PRDM16: variants seen among roughly 807,000 people sequenced by gnomAD.
PRDM16 encodes the protein PR/SET domain 16, also known as histone-lysine N-methyltransferase PRDM16.
PRDM16 carries 23 observed loss-of-function variants against 110.6 expected under a neutral mutation model. The ratio of observed to expected loss-of-function variants is 0.21; its 90% CI spans 0.15 to 0.29. The LOEUF is 0.29. Ranked by LOEUF, PRDM16 falls within the 10% of genes least tolerant of loss-of-function variation. The pLI, the probability that PRDM16 is intolerant of heterozygous loss-of-function variation, is 1.00. For missense variants in PRDM16, 1,615 were observed against 1,794.3 expected, an observed-to-expected ratio of 0.90 and a Z score of 1.81; for synonymous variants, 799 against 781.8, an observed-to-expected ratio of 1.02 and a Z score of -0.37.
intron 2 of PRDM16, among the ~76,000 whole-genome samples, chr1:3,227,019 G>A (rs1286546123): frequency 6.6e-6 from 1 of 152,252 alleles, no homozygotes; most frequent in Non-Finnish European, 1.5e-5. Flanking sequence ...TATGAAAGAG[G>A]CAATTCATAC....
chr1:3,101,511 T>C (rs1026977178), intron 1 of PRDM16, among the ~76,000 whole-genome samples: 3 of 152,240 alleles, frequency 2.0e-5, no homozygotes, highest in Admixed American at 2.0e-4. Flanking sequence ...GCGGCGGCCA[T>C]CGGGGAAGGG....
chr1:3,285,782 G>T lies in PRDM16; in HGVS notation c.438+41645G>T, dbSNP rs568621994. On this transcript the variant is annotated intron_variant, in intron 3 of 16. Coordinates refer to ENST00000270722, the MANE Select transcript of PRDM16 (RefSeq NM_022114.4). The stretch of plus-strand genomic sequence containing the variant: ...GGCAGAGGAAAGCCCCCCCACCACC[G>T]GACACCTGGCATGTCCACCTGGGGA... 2.0e-5 allele frequency among the ~76,000 whole-genome samples: 3 copies of T among 152,056 alleles called. No individual in the cohort carries two copies. The East Asian group carries it at 5.8e-4, about 30-fold the overall frequency.
intron 1 of PRDM16, among the ~76,000 whole-genome samples, chr1:3,095,957 ACTCC>A (rs922812657): frequency 2.7e-5 from 4 of 150,642 alleles, no homozygotes; most frequent in African/African-American, 9.8e-5. Context: ...GGAACGTCAC[ACTCC>A]CTCCCTCCCT....
At chr1:3,217,671 G>C (rs1337760381) in intron 2 of PRDM16, among the ~76,000 whole-genome samples, 1 of 152,174 alleles carries the variant, frequency 6.6e-6, no homozygotes, top group Non-Finnish European at 1.5e-5. Flanking sequence ...TTCACTCACG[G>C]CCCTGCTCTT....
chr1:3,407,372 G>T (rs552562059), intron 8 of PRDM16, among the ~76,000 whole-genome samples: 3 of 152,228 alleles, frequency 2.0e-5, no homozygotes, highest in Non-Finnish European at 4.4e-5. Flanking sequence ...CCTGCCGGCC[G>T]TTCCACAAGT....
At chr1:3,226,525 TTTGGCGTCTGATTA>T (rs1639291995) in intron 2 of PRDM16, among the ~76,000 whole-genome samples, 1 of 152,202 alleles carries the variant, frequency 6.6e-6, no homozygotes, top group South Asian at 2.1e-4. Flanking sequence ...AAATGTTCCT[TTTGGCGTCTGATTA>T]GGAAAAAAAA....
At chr1:3,182,700 G>A (rs1440241976) in intron 1 of PRDM16, among the ~76,000 whole-genome samples, 2 of 152,152 alleles carry the variant, frequency 1.3e-5, no homozygotes, top group Admixed American at 6.5e-5. Flanking sequence ...GCAGCAGCAG[G>A]GTTTCTTCAC....
chr1:3,169,973 T>G (rs1248521669), intron 1 of PRDM16, among the ~76,000 whole-genome samples: 1 of 152,246 alleles, frequency 6.6e-6, no homozygotes, highest in African/African-American at 2.4e-5. Context: ...TGTGCACACC[T>G]CGTGGCAGAG....
intron 3 of PRDM16, among the ~76,000 whole-genome samples, chr1:3,364,193 C>T (rs1027853081): frequency 6.6e-6 from 1 of 152,166 alleles, no homozygotes; most frequent in Admixed American, 6.5e-5. Flanking sequence ...AAATCCACCC[C>T]ACCGTGGCCA....
intron 2 of PRDM16, among the ~76,000 whole-genome samples, chr1:3,223,761 C>T (rs554474070): frequency 9.9e-5 from 15 of 152,158 alleles, no homozygotes; most frequent in African/African-American, 3.1e-4. Flanking sequence ...GATCAGCCCC[C>T]GGAATGGAGG....
chr1:3,118,211 GCACACA>G (rs1202416533), intron 1 of PRDM16, among the ~76,000 whole-genome samples: 1 of 151,428 alleles, frequency 6.6e-6, no homozygotes, highest in East Asian at 2.0e-4. Flanking sequence ...ACGCACACAC[GCACACA>G]CACACGTGCA....
In PRDM16 at chr1:3,181,533, TAC is replaced by T. The variant is rs34024059; in HGVS notation, c.38-4587_38-4586del. Among the ~76,000 whole-genome samples, 132 of 41,472 alleles carry T rather than the reference TAC, an allele frequency of 3.2e-3. 19 individuals are homozygous for T. Among genetic ancestry groups the T allele is most frequent in the African/African-American group, 5.7e-3 (62 of 10,820 alleles). 27.2% of individuals were successfully genotyped at this position (41,472 alleles called of 152,430 possible). A position where few individuals can be genotyped will look rare whatever the true frequency, so the allele number is the denominator to read the frequency against. ...ACACGCAGTCTTACACAAGCGGTCT[TAC>T]ACACGGTCTTACACACGCAGTCTTA... On this transcript the variant is annotated intron_variant, in intron 1 of 16. Coordinates refer to ENST00000270722, the MANE Select transcript of PRDM16 (RefSeq NM_022114.4).
chr1:3,105,502 G>A (rs376206094), intron 1 of PRDM16, among the ~76,000 whole-genome samples: 1 of 152,236 alleles, frequency 6.6e-6, no homozygotes, highest in African/African-American at 2.4e-5. Context: ...GGAACCCTTG[G>A]ACGGTCACCG....
At chr1:3,110,209 C>T (rs2100637260) in intron 1 of PRDM16, among the ~76,000 whole-genome samples, 1 of 135,054 alleles carries the variant, frequency 7.4e-6, no homozygotes, top group South Asian at 2.5e-4. Flanking sequence ...TATGGGGACA[C>T]AGTGCTCGGG....
In PRDM16 at chr1:3,069,213, T is replaced by C. The variant is rs781244624; in HGVS notation, c.-47T>C. The C allele has an allele frequency of 1.9e-6, 3 of 1,556,170 alleles. No individual in the cohort carries two copies. Among genetic ancestry groups the C allele is most frequent in the East Asian group, 4.9e-5 (2 of 41,066 alleles). On this transcript the variant is annotated 5_prime_UTR_variant, in exon 1 of 17. Transcript: ENST00000270722. This position sits in a 1 kb window ranked among gnomAD's most constrained non-coding sequence, Gnocchi z 6.1. ...TGGGGAGATGAAGATAGTGTGTGGC[T>C]GCTTCTGGACTCAAGGAGGAGGAGA...
chr1:3,350,601 A>T lies in PRDM16; in HGVS notation c.439-34551A>T, dbSNP rs1642462735. Reference sequence around the variant, plus strand: ...GCAGCTGTGGGCGGGTGGAAAGCAGAGCTGGGAGCCAGCCCTGCCCGGCCA... The same window carrying T: ...GCAGCTGTGGGCGGGTGGAAAGCAGTGCTGGGAGCCAGCCCTGCCCGGCCA... On this transcript the variant is annotated intron_variant, in intron 3 of 16. Transcript: ENST00000270722. The surrounding 1 kb of genome is among the most constrained non-coding windows in gnomAD (Gnocchi z 7.1). 6.6e-6 allele frequency among the ~76,000 whole-genome samples: 1 copy of T among 152,048 alleles called. No homozygotes were observed. Among genetic ancestry groups the T allele is most frequent in the African/African-American group, 2.4e-5 (1 of 41,392 alleles).
intron 1 of PRDM16, among the ~76,000 whole-genome samples, chr1:3,084,940 G>A (rs1570222374): frequency 6.6e-6 from 1 of 152,212 alleles, no homozygotes; most frequent in East Asian, 1.9e-4. Flanking sequence ...GAGGAGCTCA[G>A]CCGCGCACCC....
chr1:3,146,990 A>C (rs1288291718), intron 1 of PRDM16, among the ~76,000 whole-genome samples: 1 of 47,352 alleles, frequency 2.1e-5, no homozygotes, highest in Non-Finnish European at 3.7e-5. Flanking sequence ...GTGTGTGTGC[A>C]TGTGTGTGCT....
Position 3,209,326 on chromosome 1 carries a change from G to C in PRDM16, c.387+22852G>C, listed in dbSNP as rs1440244682. On this transcript the variant is annotated intron_variant, in intron 2 of 16. Coordinates refer to ENST00000270722, the MANE Select transcript of PRDM16 (RefSeq NM_022114.4). This position sits in a 1 kb window ranked among gnomAD's most constrained non-coding sequence, Gnocchi z 4.6. ...ACTGTGGGCAGGGACAGCACTGCAC[G>C]TTTGACATCGGGGCACGCAGCTCCG... Among the ~76,000 whole-genome samples the C allele has an allele frequency of 1.3e-5, 2 of 152,214 alleles. No individual in the cohort carries two copies. The highest frequency in any genetic ancestry group is 6.5e-5 in the Admixed American group (1 of 15,286).
Sources: allele counts gnomAD v4.1 joint callset (sites outside exome capture counted in the v4.1 genomes callset), GRCh38; gene constraint gnomAD v4.1.1; non-coding constraint Gnocchi (gnomAD v3.1); transcripts MANE v1.5; gene names NCBI Gene and HGNC (gene_info 2026-07-23, HGNC 2026-07-21).